The following CDKAL1 variants were observed in gnomAD, a reference collection of about 807,000 sequenced individuals.
CDKAL1 encodes CDKAL1 threonylcarbamoyladenosine tRNA methylthiotransferase, also known as threonylcarbamoyladenosine tRNA methylthiotransferase.
CDKAL1 carries 32 observed loss-of-function variants against 68.2 expected under a neutral mutation model. That is an observed-to-expected ratio of 0.47 (90% CI 0.35 to 0.63). CDKAL1 has a LOEUF of 0.63. CDKAL1 is among the 30% of genes least tolerant of loss of function. The probability of loss-of-function intolerance (pLI) is 0.00; values close to 1 mark genes in which losing one functional copy is unlikely to be tolerated. For missense variants in CDKAL1, 606 were observed against 696.7 expected (o/e 0.87, Z 1.47); for synonymous variants, 234 against 244.3 (o/e 0.96, Z 0.39).
At chr6:20,879,420 C>T (rs942807113) in intron 9 of CDKAL1, among the ~76,000 whole-genome samples, 9 of 152,226 alleles carry the variant, frequency 5.9e-5, no homozygotes, top group East Asian at 3.8e-4. Context: ...TAATATCTCC[C>T]GCCTGTTATG....
intron 6 of CDKAL1, among the ~76,000 whole-genome samples, chr6:20,740,935 A>G (rs1221995297): frequency 6.6e-6 from 1 of 152,152 alleles, no homozygotes; most frequent in Non-Finnish European, 1.5e-5. Context: ...TGTGGTAGGG[A>G]AATAGGAAAC....
At chr6:20,790,501 T>G (rs1221679675) in intron 8 of CDKAL1, among the ~76,000 whole-genome samples, 1 of 152,190 alleles carries the variant, frequency 6.6e-6, no homozygotes, top group African/African-American at 2.4e-5. Flanking sequence ...GGCTCCGAAC[T>G]TGGTGACGCT....
chr6:20,537,582 G>A (rs542517734), intron 2 of CDKAL1, among the ~76,000 whole-genome samples: 1 of 150,504 alleles, frequency 6.6e-6, no homozygotes, highest in East Asian at 2.0e-4. Flanking sequence ...CTCCAGCCTG[G>A]GCAGCAAGAG....
intron 13 of CDKAL1, among the ~76,000 whole-genome samples, chr6:21,155,512 A>G (rs1056855659): frequency 1.3e-5 from 2 of 152,108 alleles, no homozygotes; most frequent in African/African-American, 4.8e-5. Context: ...CCAGGACATC[A>G]CCTCCCATGG....
chr6:20,555,303 T>G (rs1226075876), intron 4 of CDKAL1, among the ~76,000 whole-genome samples: 2 of 152,132 alleles, frequency 1.3e-5, no homozygotes, highest in Admixed American at 6.5e-5. Context: ...AGGACCTGCT[T>G]TATTTTTTTA....
chr6:20,781,360 C>T, intron 8 of CDKAL1, 95 bp downstream of exon 8: 1 of 1,123,420 alleles, frequency 8.9e-7, no homozygotes, highest in Non-Finnish European at 1.2e-6. Flanking sequence ...AGTAGCTGAA[C>T]ATTTTCTTGG....
chr6:21,202,914 G>A (rs539866175), intron 15 of CDKAL1, among the ~76,000 whole-genome samples: 1 of 152,226 alleles, frequency 6.6e-6, no homozygotes, highest in East Asian at 1.9e-4. Flanking sequence ...CAAAAGTCCC[G>A]GATAAGATGA....
At chr6:20,542,612 T>C (rs1461818945) in intron 2 of CDKAL1, among the ~76,000 whole-genome samples, 2 of 152,134 alleles carry the variant, frequency 1.3e-5, no homozygotes, top group Non-Finnish European at 2.9e-5. Flanking sequence ...TATTCTAACA[T>C]AATTACCGCT....
intron 5 of CDKAL1, among the ~76,000 whole-genome samples, chr6:20,678,199 G>C (rs4712528): frequency 0.71 from 107,183 of 151,766 alleles, 38,807 homozygotes; most frequent in East Asian, 0.83. Flanking sequence ...GCAGCCTCAG[G>C]TTGGTTTTAT....
chr6:20,752,505 A>G (rs1166014587), intron 6 of CDKAL1, among the ~76,000 whole-genome samples: 1 of 152,124 alleles, frequency 6.6e-6, no homozygotes, highest in African/African-American at 2.4e-5. Flanking sequence ...ACACACACAC[A>G]CAGACACAGA....
At chr6:21,181,004 C>G (rs76981086) in intron 13 of CDKAL1, among the ~76,000 whole-genome samples, 4 of 152,034 alleles carry the variant, frequency 2.6e-5, no homozygotes, top group African/African-American at 9.7e-5. Flanking sequence ...TGACCAGGCC[C>G]TTACTGCTGG....
At chr6:20,614,349 C>T (rs1018094503) in intron 4 of CDKAL1, among the ~76,000 whole-genome samples, 1 of 152,046 alleles carries the variant, frequency 6.6e-6, no homozygotes, top group Non-Finnish European at 1.5e-5. Context: ...GTTTCATTTT[C>T]TTACATTTAA....
intron 15 of CDKAL1, among the ~76,000 whole-genome samples, chr6:21,211,779 G>A (rs1333986590): frequency 6.6e-6 from 1 of 152,206 alleles, no homozygotes; most frequent in Non-Finnish European, 1.5e-5. Context: ...TTTTGAGACA[G>A]AGTCTCATTC....
At chr6:21,058,867 G>T (rs1019478062) in intron 11 of CDKAL1, among the ~76,000 whole-genome samples, 1 of 100,266 alleles carries the variant, frequency 1.0e-5, no homozygotes, top group Non-Finnish European at 2.3e-5. Context: ...CTCCTGTTGT[G>T]GGGGTCTCAC....
At chr6:20,544,678 G>T (rs1160444450) in intron 2 of CDKAL1, among the ~76,000 whole-genome samples, 2 of 149,072 alleles carry the variant, frequency 1.3e-5, no homozygotes, top group Admixed American at 1.3e-4. Flanking sequence ...AAATATATTA[G>T]TTTCTGTACA....
At chr6:21,176,261 C>G (rs1777567779) in intron 13 of CDKAL1, among the ~76,000 whole-genome samples, 1 of 152,194 alleles carries the variant, frequency 6.6e-6, no homozygotes, top group Non-Finnish European at 1.5e-5. Context: ...TTTTTGTATG[C>G]ATGTAAGTAC....
At chr6:20,910,088 C>T (rs1055765751) in intron 9 of CDKAL1, among the ~76,000 whole-genome samples, 1 of 152,204 alleles carries the variant, frequency 6.6e-6, no homozygotes, top group Non-Finnish European at 1.5e-5. Context: ...CTTCCTTTTA[C>T]TTCTTATACT....
At chr6:20,739,767 C>A (rs1012494018) in intron 6 of CDKAL1, 152 bp downstream of exon 6, 17 of 499,198 alleles carry the variant, frequency 3.4e-5, no homozygotes, top group Admixed American at 1.2e-4. Flanking sequence ...CTGAAACTGT[C>A]ATTTCTGTGT....
intron 11 of CDKAL1, among the ~76,000 whole-genome samples, chr6:21,012,392 G>C (rs1768073633): frequency 1.3e-5 from 2 of 152,172 alleles, no homozygotes; most frequent in South Asian, 2.1e-4. Flanking sequence ...CTAAGAGAGA[G>C]AGCCCCAGTC....
Sources: allele counts gnomAD v4.1 joint callset (sites outside exome capture counted in the v4.1 genomes callset), GRCh38; gene constraint gnomAD v4.1.1; transcripts MANE v1.5; gene names NCBI Gene and HGNC (gene_info 2026-07-23, HGNC 2026-07-21).